Variants in AVIL observed in about 807,000 individuals in gnomAD.
AVIL encodes the protein advillin.
In AVIL, 78 loss-of-function variants were observed where a neutral mutation model predicts 109.9. The ratio of observed to expected loss-of-function variants is 0.71; its 90% confidence interval spans 0.59 to 0.86. The LOEUF is 0.86. Among genes scored for constraint, AVIL ranks in the 40% least tolerant of loss-of-function variants. AVIL has a pLI of 0.00. For missense variants in AVIL, 892 were observed against 1,016.5 expected (o/e 0.88, Z 1.67); for synonymous variants, 367 against 379.1 (o/e 0.97, Z 0.37).
chr12:57,807,115 AAG>A (rs1955959730), intron 13 of AVIL, among the ~76,000 whole-genome samples: 1 of 152,108 alleles, frequency 6.6e-6, no homozygotes, highest in Non-Finnish European at 1.5e-5. Flanking sequence ...CAGGTTATGA[AAG>A]ACCTTGAACA....
Position 57,808,538 on chromosome 12 carries a change from TTGA to T in AVIL, c.947_949del (p.Ile316del). 6.2e-7 allele frequency: 1 copy of T among 1,614,010 alleles called. No homozygotes were observed. The highest frequency in any genetic ancestry group is 1.7e-5 in the Admixed American group (1 of 60,012). ...GGTGCTGCTGGGGTAGCTCTTCATC[TTGA>T]TGAAGCCCTGCAGAGCCACCCATTC... is the stretch of plus-strand genomic sequence containing the variant. On this transcript the variant is annotated inframe_deletion, in exon 10 of 20. Coordinates refer to ENST00000549994, the MANE Select transcript of AVIL (RefSeq NM_006576.4).
intron 16 of AVIL, 31 bp from the exon 17 acceptor site, chr12:57,802,379 T>C (rs1438338467): frequency 1.3e-6 from 2 of 1,578,312 alleles, no homozygotes; most frequent in East Asian, 2.3e-5. Context: ...TATATGTTAC[T>C]GTGTTCATAC....
intron 19 of AVIL, among the ~76,000 whole-genome samples, chr12:57,799,440 T>C (rs929711819): frequency 1.3e-5 from 2 of 152,220 alleles, no homozygotes; most frequent in Middle Eastern, 3.2e-3. Context: ...TCCAGGTGTT[T>C]TAAACAGGGC....
chr12:57,803,363 A>G lies in AVIL; in HGVS notation c.1846T>C (p.Ser616Pro). Residue 616 changes from serine (S) to proline (P), a missense_variant, in exon 16 of 20, where the codon TCT becomes CCT. By Grantham distance (74) the Ser-to-Pro change is moderately conservative (BLOSUM62 -1). Coordinates refer to ENST00000549994, the MANE Select transcript of AVIL (RefSeq NM_006576.4). Reference protein sequence around the residue: ...RLQQEILDVQSRLFECSNKTG... With the variant: ...RLQQEILDVQPRLFECSNKTG... ...TTATTGGAACATTCAAAGAGACGAG[A>G]CTGGACATCTAGGATTTCCTGCTGA... is the stretch of plus-strand genomic sequence containing the variant. 2 of 1,614,198 alleles carry G rather than the reference A, an allele frequency of 1.2e-6. No individual in the cohort carries two copies. The highest frequency in any genetic ancestry group is 8.5e-7 in the Non-Finnish European group (1 of 1,180,040).
chr12:57,810,356 A>G lies in AVIL; in HGVS notation c.754T>C (p.Leu252=), dbSNP rs1956019217. Residue 252 remains leucine (L), a synonymous_variant, in exon 7 of 20, where the codon TTG becomes CTG. Transcript: ENST00000549994. The stretch of plus-strand genomic sequence containing the variant: ...CCAGGTTGAGCTACTCACTGATACA[A>G]CATGATAGTTGATTTCTGCTTCTGA... ...IDQKQKSTIM[L]YHISDSAGQL... 1 of 1,614,182 alleles carries G rather than the reference A, an allele frequency of 6.2e-7. No individual in the cohort carries two copies. Among genetic ancestry groups the G allele is most frequent in the Non-Finnish European group, 8.5e-7 (1 of 1,180,026 alleles).
intron 2 of AVIL, 160 bp downstream of exon 2, chr12:57,815,812 CAGG>C: frequency 6.6e-7 from 1 of 1,507,060 alleles, no homozygotes; most frequent in Non-Finnish European, 8.9e-7. Flanking sequence ...TTTGAGCACC[CAGG>C]AGAGGTGAAG....
intron 9 of AVIL, chr12:57,809,280 G>A (rs180745761): frequency 3.3e-5 from 11 of 332,636 alleles, no homozygotes; most frequent in East Asian, 2.9e-4. Context: ...GATTACAGGC[G>A]TGAGCCACTG....
Position 57,807,481 on chromosome 12 carries a change from G to A in AVIL, c.1341C>T (p.His447=), listed in dbSNP as rs137905552. ...HHILYIWQGR[H]ASQDELAASA... is the part of the protein sequence containing the mutation. The stretch of plus-strand genomic sequence containing the variant: ...AGGCTGCCAGCTCATCCTGTGAGGC[G>A]TGGCGGCCCTGCAATGGTGAGAGGC... The change falls in exon 13 of 20, where the codon CAC becomes CAT. Residue 447 remains histidine (H), a synonymous_variant. Transcript: ENST00000549994. 2.0e-5 allele frequency: 33 copies of A among 1,614,098 alleles called. No homozygotes were observed. Among genetic ancestry groups the A allele is most frequent in the Admixed American group, 5.0e-5 (3 of 60,006 alleles).
At position 57,808,215 on chromosome 12, in the gene AVIL, A is replaced by G. The variant is rs577270886; in HGVS notation, c.1173T>C (p.Asp391=). 7.7e-5 allele frequency: 124 copies of G among 1,614,080 alleles called. 1 individual carries two copies. Among genetic ancestry groups the G allele is most frequent in the Non-Finnish European group, 1.0e-4 (120 of 1,180,042 alleles). Residue 391 remains aspartate (D), a synonymous_variant, in exon 11 of 20, where the codon GAT becomes GAC. Transcript: ENST00000549994. ...PEVAAQERMV[D]DGNGKVEVWR... ...TTACCTCAACTTTTCCGTTGCCATC[A>G]TCGACCATTCTTTCCTGGGCAGCTA...
Position 57,808,343 on chromosome 12 carries a change from C to T in AVIL, c.1094-49G>A, listed in dbSNP as rs748969721. The T allele has an allele frequency of 2.5e-6, 4 of 1,613,810 alleles. No homozygotes were observed. In the East Asian group the frequency reaches 6.7e-5, roughly 27 times the overall value. Reference sequence around the variant, plus strand: ...GCCGAGTGAGTAAGAAGCATCTGTGCCTGCTTTTCTAGAGTCTTAGCAATG... The same window carrying T: ...GCCGAGTGAGTAAGAAGCATCTGTGTCTGCTTTTCTAGAGTCTTAGCAATG... On this transcript the variant is annotated intron_variant, in intron 10 of 19. Coordinates refer to ENST00000549994, the MANE Select transcript of AVIL (RefSeq NM_006576.4).
chr12:57,799,986 A>G, intron 18 of AVIL, 66 bp from the exon 19 acceptor site: 1 of 1,581,864 alleles, frequency 6.3e-7, no homozygotes, highest in Non-Finnish European at 8.6e-7. Flanking sequence ...TACAGTTCTG[A>G]ATGTGTATAA....
At position 57,806,370 on chromosome 12, in the gene AVIL, C is replaced by T. The variant is rs760701700; in HGVS notation, c.1661G>A (p.Trp554Ter). 6.2e-7 allele frequency: 1 copy of T among 1,614,058 alleles called. No individual in the cohort carries two copies. The highest frequency in any genetic ancestry group is 8.5e-7 in the Non-Finnish European group (1 of 1,180,008). ...LLRTQAEHYLWYGKGSSGDER... is the reference protein window; with the variant it reads ...LLRTQAEHYL Reference sequence around the variant, plus strand: ...GCCCAGCCATCCTACCTTGCCATACCACAGGTAGTGCTCTGCCTGAGTTCG... The same window carrying T: ...GCCCAGCCATCCTACCTTGCCATACTACAGGTAGTGCTCTGCCTGAGTTCG... Residue 554 changes from tryptophan to a stop codon, truncating the protein, a stop_gained, in exon 14 of 20, where the codon TGG becomes TAG. Transcript: ENST00000549994. LOFTEE classifies it high-confidence loss of function.
chr12:57,818,182 C>CTTTGTTTT (rs1956120034), intron 1 of AVIL, among the ~76,000 whole-genome samples: 1 of 35,256 alleles, frequency 2.8e-5, no homozygotes, highest in Non-Finnish European at 5.3e-5. Context: ...CCATGCTTGG[C>CTTTGTTTT]TTTTTTTTTT....
chr12:57,809,291 C>G (rs893395670), intron 9 of AVIL: 2 of 359,126 alleles, frequency 5.6e-6, no homozygotes, highest in Non-Finnish European at 1.0e-5. Context: ...TGAGCCACTG[C>G]GCCCGGCCCT....
chr12:57,811,940 C>T (rs1010168947), intron 4 of AVIL, among the ~76,000 whole-genome samples: 10 of 152,118 alleles, frequency 6.6e-5, no homozygotes, highest in East Asian at 3.8e-4. Flanking sequence ...CTCCCCAATA[C>T]GCTTCCATTC....
chr12:57,813,221 A>G lies in AVIL; in HGVS notation c.338+6T>C, dbSNP rs192047825. Reference sequence around the variant, plus strand: ...TTCTGTCCTTGCTCTGTGCACCCCTACTCACATGATGCCCTGCTTGAAGTA... The same window carrying G: ...TTCTGTCCTTGCTCTGTGCACCCCTGCTCACATGATGCCCTGCTTGAAGTA... On this transcript the variant is annotated splice_donor_region_variant and intron_variant, in intron 4 of 19. Coordinates refer to ENST00000549994, the MANE Select transcript of AVIL (RefSeq NM_006576.4). 3.2e-5 allele frequency: 52 copies of G among 1,607,744 alleles called. No individual in the cohort carries two copies. The highest frequency in any genetic ancestry group is 1.0e-4 in the Admixed American group (6 of 59,510).
intron 14 of AVIL, 70 bp downstream of exon 14, chr12:57,806,290 C>G (rs1180952919): frequency 5.8e-6 from 9 of 1,563,586 alleles, no homozygotes; most frequent in Non-Finnish European, 7.9e-6. Context: ...TTTGACCTTG[C>G]TGACAGGAGG....
chr12:57,812,539 A>G (rs970610738), intron 4 of AVIL, among the ~76,000 whole-genome samples: 2 of 150,950 alleles, frequency 1.3e-5, no homozygotes, highest in African/African-American at 4.9e-5. Context: ...TTTTTGTATT[A>G]TTAGTAGAGA....
chr12:57,809,863 T>A lies in AVIL; in HGVS notation c.789A>T (p.Ala263=). 1 of 1,614,226 alleles carries A rather than the reference T, an allele frequency of 6.2e-7. No individual in the cohort carries two copies. The highest frequency in any genetic ancestry group is 8.5e-7 in the Non-Finnish European group (1 of 1,180,024). The change falls in exon 8 of 20, where the codon GCA becomes GCT. Residue 263 remains alanine, a synonymous_variant. Transcript: ENST00000549994. ...GAGGCCTTGTTGCTACCTCTGTGAC[T>A]GCCAGCTGCCCAGCTGAATCTGAGA... ...YHISDSAGQL[A]VTEVATRPLV...
Sources: gnomAD v4.1 joint callset for allele counts (sites outside exome capture counted in the v4.1 genomes callset) on GRCh38, gnomAD v4.1.1 for gene constraint, MANE v1.5 for transcripts, NCBI Gene and HGNC (gene_info 2026-07-23, HGNC 2026-07-21) for gene names.